ADAM9: variants seen among roughly 807,000 people sequenced by gnomAD.
ADAM9 encodes the protein disintegrin and metalloproteinase domain-containing protein 9.
ADAM9 carries 54 observed loss-of-function variants against 108.1 expected under a neutral mutation model. That is an observed-to-expected ratio of 0.50 (90% confidence interval 0.40 to 0.63). The LOEUF (loss-of-function observed/expected upper bound fraction) is 0.63, where lower values mean the gene tolerates loss of function less well. Ranked by LOEUF, ADAM9 falls within the 20% of genes least tolerant of loss-of-function variation. The probability of loss-of-function intolerance (pLI) is 0.00; values close to 1 mark genes in which losing one functional copy is unlikely to be tolerated. For synonymous variants in ADAM9, 316 were observed against 336.0 expected (o/e 0.94, Z 0.65); for missense variants, 830 against 997.7 (o/e 0.83, Z 2.26).
At chr8:39,067,459 G>A (rs1838520738) in intron 14 of ADAM9, among the ~76,000 whole-genome samples, 1 of 152,222 alleles carries the variant, frequency 6.6e-6, no homozygotes, top group South Asian at 2.1e-4. Flanking sequence ...CCTTGAAGAG[G>A]TCCTTCACAT....
At chr8:39,046,005 C>T (rs1837760478) in intron 12 of ADAM9, among the ~76,000 whole-genome samples, 1 of 151,880 alleles carries the variant, frequency 6.6e-6, no homozygotes, top group Non-Finnish European at 1.5e-5. Flanking sequence ...TTGGCAGCTG[C>T]TTGTATTTCT....
intron 14 of ADAM9, among the ~76,000 whole-genome samples, chr8:39,065,806 G>T (rs113840351): frequency 1.6e-3 from 238 of 151,940 alleles, no homozygotes; most frequent in African/African-American, 5.6e-3. Context: ...CAACGTGCAG[G>T]TTTGTCACAT....
intron 20 of ADAM9, among the ~76,000 whole-genome samples, chr8:39,094,862 A>G (rs1289085847): frequency 6.6e-6 from 1 of 151,836 alleles, no homozygotes; most frequent in Non-Finnish European, 1.5e-5. Flanking sequence ...ACCAACTCTT[A>G]GTTTTATTGA....
At chr8:39,017,961 AAG>A (rs373545066) in intron 6 of ADAM9, among the ~76,000 whole-genome samples, 1 of 152,230 alleles carries the variant, frequency 6.6e-6, no homozygotes, top group Non-Finnish European at 1.5e-5. Context: ...AGATTGGAAA[AAG>A]AGAGAGATAC....
chr8:39,041,318 A>G (rs1462559288), intron 11 of ADAM9, among the ~76,000 whole-genome samples: 7 of 151,378 alleles, frequency 4.6e-5, no homozygotes, highest in Non-Finnish European at 1.0e-4. Flanking sequence ...AAGGCCAACT[A>G]ACTTTCAAAG....
rs1364696269 is a variant in ADAM9, at chr8:39,071,368, T to C, written c.1662T>C (p.Gly554=). The C allele has an allele frequency of 6.2e-7, 1 of 1,614,172 alleles. No homozygotes were observed. Among genetic ancestry groups the C allele is most frequent in the Non-Finnish European group, 8.5e-7 (1 of 1,180,008 alleles). Residue 554 remains glycine, a synonymous_variant, in exon 15 of 22, where the codon GGT becomes GGC. Transcript: ENST00000487273. ...AAGGTGACAGATTTGGCAATTGTGG[T>C]TTCTCTGGCAATGAATACAAGAAGT... ...NSKGDRFGNC[G]FSGNEYKKCA...
In ADAM9 at chr8:39,090,107, T is replaced by C. The variant is rs1205008228; in HGVS notation, c.2129T>C (p.Ile710Thr). 1 of 1,613,946 alleles carries C rather than the reference T, an allele frequency of 6.2e-7. No individual in the cohort carries two copies. The highest frequency in any genetic ancestry group is 1.1e-5 in the South Asian group (1 of 91,082). Residue 710 changes from isoleucine to threonine, a missense_variant, in exon 19 of 22, where the codon ATT (isoleucine) becomes ACT (threonine). Transcript: ENST00000487273. ...LVFFFLIVPLIVCAIFIFIKR... is the reference protein window; with the variant it reads ...LVFFFLIVPLTVCAIFIFIKR... ...TTCTTCTTCCTAATTGTTCCCCTTATTGTCTGTGCTATTTTTATCTTCATC... is the reference window on the plus strand; with the variant it reads ...TTCTTCTTCCTAATTGTTCCCCTTACTGTCTGTGCTATTTTTATCTTCATC...
At chr8:39,022,972 C>T (rs1170513349) in intron 8 of ADAM9, among the ~76,000 whole-genome samples, 184 bp from the exon 9 acceptor site, 2 of 152,162 alleles carry the variant, frequency 1.3e-5, no homozygotes, top group Non-Finnish European at 2.9e-5. Flanking sequence ...CTCGGCCTCC[C>T]AAAGTGTTAA....
At chr8:39,093,097 G>A (rs1392020386) in intron 20 of ADAM9, among the ~76,000 whole-genome samples, 5 of 152,004 alleles carry the variant, frequency 3.3e-5, no homozygotes, top group Admixed American at 2.6e-4. Flanking sequence ...GGTCTTTTGT[G>A]GTTCCATATG....
intron 13 of ADAM9, among the ~76,000 whole-genome samples, chr8:39,055,224 T>TA (rs1474275616): frequency 6.6e-6 from 1 of 152,178 alleles, no homozygotes; most frequent in Admixed American, 6.6e-5. Context: ...CTTTCACACA[T>TA]ATGCCAATCT....
intron 14 of ADAM9, among the ~76,000 whole-genome samples, chr8:39,068,675 CAAAAAAAAAAAAAAAAAAAAAAAAA>C (rs562274321): frequency 2.3e-3 from 96 of 42,046 alleles, no homozygotes; most frequent in Middle Eastern, 0.028. Flanking sequence ...AACTTCTCCT[CAAAAAAAAAAAAAAAAAAAAAAAAA>C]AAAAAAAAAA....
rs2129436323 is a variant in ADAM9 at position 39,041,932 on chromosome 8, A to G, written c.1131-14A>G. ...TCACTGTGACATAGATCTTTTTCTT[A>G]ATGTTTATTATAGGGGTTCCAGAAA... On this transcript the variant is annotated splice_polypyrimidine_tract_variant and intron_variant, in intron 11 of 21. Transcript: ENST00000487273. 5.6e-6 allele frequency: 9 copies of G among 1,612,640 alleles called. No homozygotes were observed. Among genetic ancestry groups the G allele is most frequent in the Non-Finnish European group, 7.6e-6 (9 of 1,178,808 alleles).
chr8:39,037,459 T>G (rs939593649), intron 11 of ADAM9, among the ~76,000 whole-genome samples: 1 of 73,776 alleles, frequency 1.4e-5, no homozygotes, highest in African/African-American at 5.7e-5. Context: ...TGTGTGTGTG[T>G]TTTTTTTTTT....
At chr8:39,049,624 A>C (rs2129437791) in intron 12 of ADAM9, among the ~76,000 whole-genome samples, 1 of 151,972 alleles carries the variant, frequency 6.6e-6, no homozygotes, top group South Asian at 2.1e-4. Context: ...TTTTTAGTGG[A>C]GATGGGGTTT....
chr8:39,007,780 G>A (rs568656388), intron 1 of ADAM9, 106 bp from the exon 2 acceptor site: 2 of 768,724 alleles, frequency 2.6e-6, no homozygotes, highest in East Asian at 5.2e-5. Context: ...ATATGGGAAT[G>A]TCAGGTGATT....
intron 16 of ADAM9, among the ~76,000 whole-genome samples, chr8:39,081,622 C>A (rs1839027332): frequency 6.6e-6 from 1 of 152,066 alleles, no homozygotes; most frequent in African/African-American, 2.4e-5. Flanking sequence ...TCATATATGT[C>A]CTATTTAAAA....
chr8:39,095,356 G>T (rs1187292877), intron 20 of ADAM9, among the ~76,000 whole-genome samples: 2 of 152,158 alleles, frequency 1.3e-5, no homozygotes, highest in African/African-American at 4.8e-5. Flanking sequence ...TTAAGTGTCA[G>T]CTATATTTTA....
At position 39,104,848 on chromosome 8, in the gene ADAM9, T is replaced by A. The variant is rs1430352615; in HGVS notation, c.*1148T>A. 1 of 449,740 alleles carries A rather than the reference T, an allele frequency of 2.2e-6. No homozygotes were observed. Among genetic ancestry groups the A allele is most frequent in the Non-Finnish European group, 4.4e-6 (1 of 225,690 alleles). 27.9% of individuals were successfully genotyped at this position (449,740 alleles called of 1,614,324 possible). A position where few individuals can be genotyped will look rare whatever the true frequency, so the allele number is the denominator to read the frequency against. The stretch of plus-strand genomic sequence containing the variant: ...AGATATGGTATGGATCGTAAAATTT[T>A]AAGCACTAAAAATTTTTTCATAACC... On this transcript the variant is annotated 3_prime_UTR_variant, in exon 22 of 22. Coordinates refer to ENST00000487273, the MANE Select transcript of ADAM9 (RefSeq NM_003816.3).
At chr8:39,065,748 T>C (rs1179729510) in intron 14 of ADAM9, among the ~76,000 whole-genome samples, 5 of 152,026 alleles carry the variant, frequency 3.3e-5, no homozygotes, top group Non-Finnish European at 5.9e-5. Flanking sequence ...TTAATGATAA[T>C]TTTTTTCTTT....
Sources: gnomAD v4.1 joint callset for allele counts (sites outside exome capture counted in the v4.1 genomes callset) on GRCh38, gnomAD v4.1.1 for gene constraint, MANE v1.5 for transcripts, NCBI Gene and HGNC (gene_info 2026-07-23, HGNC 2026-07-21) for gene names.